SYNJ2: variants seen among roughly 807,000 people sequenced by gnomAD.
The protein encoded by SYNJ2 is synaptojanin 2, also known as polyphosphatidylinositol phosphatase SYNJ2.
Under a neutral mutation model 141.3 loss-of-function variants are expected in SYNJ2, and 116 were observed. That is an observed-to-expected ratio of 0.82 (90% CI 0.71 to 0.96). The LOEUF (loss-of-function observed/expected upper bound fraction) is 0.96. Ranked by LOEUF, SYNJ2 falls within the 40% of genes least tolerant of loss-of-function variation. The probability of loss-of-function intolerance (pLI) is 0.00; values close to 1 mark genes in which losing one functional copy is unlikely to be tolerated. For synonymous variants in SYNJ2, 745 were observed against 777.7 expected (o/e 0.96, Z 0.70); for missense variants, 1,873 against 1,934.8 (o/e 0.97, Z 0.60).
intron 5 of SYNJ2, among the ~76,000 whole-genome samples, chr6:158,048,117 G>A (rs1780357329): frequency 6.6e-6 from 1 of 151,870 alleles, no homozygotes; most frequent in Non-Finnish European, 1.5e-5. Context: ...CCAGGTGTAG[G>A]GGGCACCAGG....
At chr6:158,039,415 C>T (rs190637151) in intron 4 of SYNJ2, among the ~76,000 whole-genome samples, 3 of 152,326 alleles carry the variant, frequency 2.0e-5, no homozygotes, top group Non-Finnish European at 2.9e-5. Context: ...CCGTGAGGAT[C>T]GGGCTGCGTG....
intron 25 of SYNJ2, among the ~76,000 whole-genome samples, chr6:158,090,502 C>T (rs978896352): frequency 2.7e-5 from 4 of 149,324 alleles, no homozygotes; most frequent in African/African-American, 7.4e-5. Context: ...CCAGAATCTC[C>T]TAGAGAGGAG....
At chr6:158,091,706 C>T (rs898304340) in intron 25 of SYNJ2, among the ~76,000 whole-genome samples, 1 of 148,896 alleles carries the variant, frequency 6.7e-6, no homozygotes, top group Non-Finnish European at 1.5e-5. Flanking sequence ...GCCAAGATAA[C>T]GCCACTGCAC....
intron 1 of SYNJ2, among the ~76,000 whole-genome samples, chr6:158,010,448 G>A (rs1471987747): frequency 1.3e-5 from 2 of 152,212 alleles, no homozygotes; most frequent in African/African-American, 4.8e-5. Flanking sequence ...GGGGTGGGGT[G>A]CATGCTCCTG....
Position 158,063,802 on chromosome 6 carries a change from G to T in SYNJ2, c.1139G>T (p.Gly380Val). ...GENVSPRFQK[G>V]TLRMNCLDCL... ...CTTCTTGTCCTAAGTTTTCAGAAAG[G>T]CACTTTGCGGATGAACTGTCTTGAC... Residue 380 changes from glycine to valine, a missense_variant, in exon 9 of 27, where the codon GGC (glycine) becomes GTC (valine). Transcript: ENST00000355585. The T allele has an allele frequency of 6.2e-7, 1 of 1,612,648 alleles. No individual in the cohort carries two copies. The highest frequency in any genetic ancestry group is 8.5e-7 in the Non-Finnish European group (1 of 1,179,180).
At chr6:158,049,318 C>G (rs1269864890) in intron 5 of SYNJ2, among the ~76,000 whole-genome samples, 1 of 152,124 alleles carries the variant, frequency 6.6e-6, no homozygotes, top group Non-Finnish European at 1.5e-5. Context: ...CAGCTCGTGC[C>G]TGTGGCTTCT....
intron 2 of SYNJ2, chr6:158,026,718 C>T (rs1272642885): frequency 3.2e-5 from 15 of 475,818 alleles, no homozygotes; most frequent in Non-Finnish European, 3.8e-5. Flanking sequence ...ATGACTCTCA[C>T]GGAGTGATGT....
rs1009030641 is a variant in SYNJ2, at chr6:158,084,727, G to A, written c.3208+553G>A. Reference sequence around the variant, plus strand: ...CTCAGGCAGCTGAAGCAGGAGAATCGCTTGAGCTGGGGAGGCAGAGGCTGC... The same window carrying A: ...CTCAGGCAGCTGAAGCAGGAGAATCACTTGAGCTGGGGAGGCAGAGGCTGC... On this transcript the variant is annotated intron_variant, in intron 22 of 26. Coordinates refer to ENST00000355585, the MANE Select transcript of SYNJ2 (RefSeq NM_003898.4). This position sits in a 1 kb window ranked among gnomAD's most constrained non-coding sequence, Gnocchi z 5.0. Among the ~76,000 whole-genome samples the A allele has an allele frequency of 2.0e-5, 3 of 151,976 alleles. No individual in the cohort carries two copies. The highest frequency in any genetic ancestry group is 2.9e-5 in the Non-Finnish European group (2 of 68,010).
rs199682770 is a variant in SYNJ2, at chr6:158,081,148, C to A, written c.2607C>A (p.Val869=). ...LAIVEVEVQE[V]DVGARERVFQ... ...TCGTGGAGGTGGAAGTTCAGGAAGTCGATGTGGGTGCTCGGGAGAGGGTTT... is the reference window on the plus strand; with the variant it reads ...TCGTGGAGGTGGAAGTTCAGGAAGTAGATGTGGGTGCTCGGGAGAGGGTTT... The change falls in exon 19 of 27, where the codon GTC becomes GTA. Residue 869 remains valine (V), a synonymous_variant. Transcript: ENST00000355585. 1.4e-5 allele frequency: 23 copies of A among 1,613,864 alleles called. No individual in the cohort carries two copies. The highest frequency in any genetic ancestry group is 1.8e-5 in the Non-Finnish European group (21 of 1,179,956).
chr6:158,064,790 ACC>A, intron 10 of SYNJ2, 34 bp from the exon 11 acceptor site: 1 of 1,610,458 alleles, frequency 6.2e-7, no homozygotes, highest in Non-Finnish European at 8.5e-7. Context: ...GGCCCCAGGG[ACC>A]CCCCTCACGG....
rs913605456 is a variant in SYNJ2 at position 157,982,446 on chromosome 6, A to C, written c.127+358A>C. ...CTGTGCCTGGCGCCTTTTCTTTTGC[A>C]CCTGTTGATGAAACCAGTGATTGCC... On this transcript the variant is annotated intron_variant, in intron 1 of 26. Coordinates refer to ENST00000355585, the MANE Select transcript of SYNJ2 (RefSeq NM_003898.4). The surrounding 1 kb of genome is among the most constrained non-coding windows in gnomAD (Gnocchi z 4.0). 6.6e-6 allele frequency among the ~76,000 whole-genome samples: 1 copy of C among 152,040 alleles called. No individual in the cohort carries two copies. Among genetic ancestry groups the C allele is most frequent in the Non-Finnish European group, 1.5e-5 (1 of 67,986 alleles).
intron 25 of SYNJ2, among the ~76,000 whole-genome samples, chr6:158,091,524 G>A (rs554078250): frequency 1.3e-5 from 2 of 151,624 alleles, no homozygotes; most frequent in Non-Finnish European, 2.9e-5. Context: ...CGAGGCAGGC[G>A]GATCACGAGG....
At chr6:158,068,574 T>TG in intron 12 of SYNJ2, 73 bp from the exon 13 acceptor site, 1 of 1,554,178 alleles carries the variant, frequency 6.4e-7, no homozygotes, top group Non-Finnish European at 8.9e-7. Context: ...GAGAGGGCAC[T>TG]GGGGAGCCCC....
chr6:158,068,789 G>A (rs1781725982), intron 13 of SYNJ2, 61 bp downstream of exon 13: 2 of 1,586,450 alleles, frequency 1.3e-6, no homozygotes, highest in Admixed American at 3.3e-5. Flanking sequence ...CTGGCTGGGA[G>A]CAGAGCCTCT....
chr6:158,073,028 C>G (rs1272672395), intron 15 of SYNJ2, among the ~76,000 whole-genome samples: 1 of 147,872 alleles, frequency 6.8e-6, no homozygotes, highest in Non-Finnish European at 1.5e-5. Context: ...TGAGATCGCA[C>G]CACTACACTC....
At chr6:158,048,141 C>T (rs987110326) in intron 5 of SYNJ2, among the ~76,000 whole-genome samples, 20 of 152,140 alleles carry the variant, frequency 1.3e-4, no homozygotes, top group African/African-American at 4.8e-4. Flanking sequence ...CAGATACAGT[C>T]CCTACCTTCA....
intron 12 of SYNJ2, 106 bp downstream of exon 12, chr6:158,066,741 T>A: frequency 7.7e-7 from 1 of 1,302,678 alleles, no homozygotes; most frequent in South Asian, 1.3e-5. Context: ...ATCTTTGGTG[T>A]CTTCCCTCCT....
chr6:158,063,947 A>G, intron 9 of SYNJ2, 75 bp downstream of exon 9: 1 of 1,499,404 alleles, frequency 6.7e-7, no homozygotes, highest in Non-Finnish European at 9.2e-7. Flanking sequence ...TGGGCTGAGC[A>G]CCTTTAGCGG....
At chr6:158,089,792 C>G in intron 24 of SYNJ2, 47 bp from the exon 25 acceptor site, 2 of 1,454,444 alleles carry the variant, frequency 1.4e-6, no homozygotes, top group Non-Finnish European at 1.9e-6. Flanking sequence ...ACGAGGCTGT[C>G]CTCCTGCCTC....
Sources: gnomAD v4.1 joint callset for allele counts (sites outside exome capture counted in the v4.1 genomes callset) on GRCh38, gnomAD v4.1.1 for gene constraint, Gnocchi (gnomAD v3.1) non-coding constraint, MANE v1.5 for transcripts, NCBI Gene and HGNC (gene_info 2026-07-23, HGNC 2026-07-21) for gene names.